Variants in SLC9A9 observed in about 807,000 individuals in gnomAD.
SLC9A9 encodes the protein solute carrier family 9 member A9.
Under a neutral mutation model 77.8 loss-of-function variants are expected in SLC9A9, and 62 were observed. The ratio of observed to expected loss-of-function variants is 0.80; its 90% CI spans 0.65 to 0.98. The LOEUF (loss-of-function observed/expected upper bound fraction) is 0.98, where lower values mean the gene tolerates loss of function less well. Ranked by LOEUF, SLC9A9 falls within the 50% of genes least tolerant of loss-of-function variation. The pLI, the probability that SLC9A9 is intolerant of heterozygous loss-of-function variation, is 0.00. For synonymous variants in SLC9A9, 320 were observed against 283.5 expected, an observed-to-expected ratio of 1.13 and a Z score of -1.29; for missense variants, 775 against 774.9, an observed-to-expected ratio of 1.00 and a Z score of 0.00.
At chr3:143,323,792 A>C (rs1249766833) in intron 14 of SLC9A9, among the ~76,000 whole-genome samples, 1 of 152,226 alleles carries the variant, frequency 6.6e-6, no homozygotes, top group African/African-American at 2.4e-5. Context: ...TGTACAAATA[A>C]AACCTAAAAA....
intron 12 of SLC9A9, among the ~76,000 whole-genome samples, chr3:143,451,627 C>T (rs1237645665): frequency 1.3e-5 from 2 of 151,460 alleles, no homozygotes; most frequent in South Asian, 4.2e-4. Flanking sequence ...TCACCGATAA[C>T]CAAAAATAAA....
At chr3:143,275,974 T>C (rs7653762) in intron 14 of SLC9A9, among the ~76,000 whole-genome samples, 14 of 152,190 alleles carry the variant, frequency 9.2e-5, no homozygotes, top group African/African-American at 3.1e-4. Flanking sequence ...CAGTGTGAAA[T>C]ATGGCGGTTT....
intron 8 of SLC9A9, among the ~76,000 whole-genome samples, chr3:143,565,664 G>A (rs2037156449): frequency 6.6e-6 from 1 of 151,870 alleles, no homozygotes; most frequent in African/African-American, 2.4e-5. Flanking sequence ...GAGAATTGTA[G>A]GCACTATTTC....
chr3:143,792,701 C>T (rs2008259872), intron 4 of SLC9A9, among the ~76,000 whole-genome samples: 1 of 152,144 alleles, frequency 6.6e-6, no homozygotes, highest in Non-Finnish European at 1.5e-5. Context: ...CTTTCCTTCT[C>T]ACTTCACTTA....
chr3:143,555,499 C>A (rs529385713), intron 8 of SLC9A9, among the ~76,000 whole-genome samples: 15 of 152,282 alleles, frequency 9.9e-5, no homozygotes, highest in African/African-American at 3.6e-4. Context: ...TGAACATTCC[C>A]ATTTCTATTG....
At chr3:143,404,364 T>C (rs1186954578) in intron 12 of SLC9A9, among the ~76,000 whole-genome samples, 1 of 151,702 alleles carries the variant, frequency 6.6e-6, no homozygotes, top group Non-Finnish European at 1.5e-5. Context: ...TAGAGACAGG[T>C]TCTCACCATG....
chr3:143,597,181 CTTA>C (rs1052200586), intron 6 of SLC9A9, among the ~76,000 whole-genome samples: 1 of 152,196 alleles, frequency 6.6e-6, no homozygotes, highest in African/African-American at 2.4e-5. Flanking sequence ...CACACCTCCA[CTTA>C]TTATATAGCC....
chr3:143,794,704 C>G (rs1576730919), intron 4 of SLC9A9, among the ~76,000 whole-genome samples: 2 of 152,232 alleles, frequency 1.3e-5, no homozygotes, highest in East Asian at 1.9e-4. Flanking sequence ...ATCGGCATTA[C>G]TCAAACTAAA....
chr3:143,611,436 T>C (rs1238414730), intron 6 of SLC9A9, among the ~76,000 whole-genome samples: 1 of 152,086 alleles, frequency 6.6e-6, no homozygotes, highest in East Asian at 1.9e-4. Flanking sequence ...ACATGAAACA[T>C]GATGAGTAGA....
At chr3:143,296,597 C>A (rs2030279856) in intron 14 of SLC9A9, among the ~76,000 whole-genome samples, 1 of 152,170 alleles carries the variant, frequency 6.6e-6, no homozygotes, top group African/African-American at 2.4e-5. Flanking sequence ...ATTGCTAGAT[C>A]ATATGGTAGT....
intron 7 of SLC9A9, among the ~76,000 whole-genome samples, chr3:143,576,132 G>T (rs564498084): frequency 6.6e-6 from 1 of 152,166 alleles, no homozygotes; most frequent in South Asian, 2.1e-4. Context: ...TCCACTTAGC[G>T]TAGCCTCCAG....
intron 12 of SLC9A9, among the ~76,000 whole-genome samples, chr3:143,453,089 G>A (rs1436062461): frequency 6.6e-6 from 1 of 151,990 alleles, no homozygotes; most frequent in Non-Finnish European, 1.5e-5. Flanking sequence ...AGGGCATATC[G>A]ATATTTATTT....
At chr3:143,403,848 G>T (rs1001156470) in intron 12 of SLC9A9, among the ~76,000 whole-genome samples, 1 of 152,148 alleles carries the variant, frequency 6.6e-6, no homozygotes, top group Non-Finnish European at 1.5e-5. Context: ...TCTTGAAGGT[G>T]TGGATTGATT....
chr3:143,700,342 G>T (rs1411598631), intron 4 of SLC9A9, among the ~76,000 whole-genome samples: 2 of 152,112 alleles, frequency 1.3e-5, no homozygotes, highest in Non-Finnish European at 2.9e-5. Context: ...TGCACCTCAG[G>T]TATCTGCTCA....
At chr3:143,386,246 G>A (rs2033423704) in intron 12 of SLC9A9, among the ~76,000 whole-genome samples, 1 of 152,142 alleles carries the variant, frequency 6.6e-6, no homozygotes, top group Non-Finnish European at 1.5e-5. Context: ...TGGCGACCCT[G>A]GCTCACCCTT....
At chr3:143,585,297 T>C (rs1017189011) in intron 6 of SLC9A9, among the ~76,000 whole-genome samples, 1 of 152,150 alleles carries the variant, frequency 6.6e-6, no homozygotes, top group African/African-American at 2.4e-5. Flanking sequence ...CTGAGACAAA[T>C]GCATATCTGA....
intron 9 of SLC9A9, among the ~76,000 whole-genome samples, chr3:143,533,880 C>T (rs1321852842): frequency 2.6e-5 from 4 of 152,084 alleles, no homozygotes; most frequent in Non-Finnish European, 4.4e-5. Flanking sequence ...AGGTTTAGTC[C>T]ACCTAACCTG....
chr3:143,273,548 CA>C (rs1559847622), intron 14 of SLC9A9, among the ~76,000 whole-genome samples: 1 of 152,156 alleles, frequency 6.6e-6, no homozygotes, highest in Non-Finnish European at 1.5e-5. Flanking sequence ...TTCCAGCCTC[CA>C]AAACTGAGAA....
intron 14 of SLC9A9, among the ~76,000 whole-genome samples, chr3:143,350,683 C>T (rs2032426619): frequency 6.6e-6 from 1 of 152,140 alleles, no homozygotes; most frequent in Admixed American, 6.5e-5. Context: ...TTTACAGTTA[C>T]TTTGTGGGGC....
Sources: allele counts gnomAD v4.1 joint callset (sites outside exome capture counted in the v4.1 genomes callset), GRCh38; gene constraint gnomAD v4.1.1; transcripts MANE v1.5; gene names NCBI Gene and HGNC (gene_info 2026-07-23, HGNC 2026-07-21).